Variants in ETFDH observed in about 807,000 individuals in gnomAD.
ETFDH encodes the protein electron transfer flavoprotein dehydrogenase, also known as electron transfer flavoprotein-ubiquinone oxidoreductase, mitochondrial.
ETFDH carries 61 observed loss-of-function variants against 73.2 expected under a neutral mutation model. The ratio of observed to expected loss-of-function variants is 0.83; its 90% CI spans 0.68 to 1.03. ETFDH has a LOEUF of 1.03. ETFDH is among the 50% of genes least tolerant of loss of function. The pLI, the probability that ETFDH is intolerant of heterozygous loss-of-function variation, is 0.00. For synonymous variants in ETFDH, 243 were observed against 253.3 expected (o/e 0.96, Z 0.39); for missense variants, 685 against 745.0 (o/e 0.92, Z 0.94).
chr4:158,702,514 C>T (rs558291341), intron 9 of ETFDH, among the ~76,000 whole-genome samples: 6 of 152,182 alleles, frequency 3.9e-5, no homozygotes, highest in Admixed American at 2.0e-4. Flanking sequence ...CTGTTCTACT[C>T]TCCACTTCCA....
chr4:158,685,018 G>A, intron 4 of ETFDH, 83 bp from the exon 5 acceptor site: 1 of 829,086 alleles, frequency 1.2e-6, no homozygotes, highest in South Asian at 1.5e-5. Context: ...AATACATATT[G>A]ATTCGAAATT....
Position 158,680,541 on chromosome 4 carries a change from T to A in ETFDH, c.109T>A (p.Ser37Thr), listed in dbSNP as rs1773826833. The A allele has an allele frequency of 1.2e-6, 2 of 1,605,576 alleles. No homozygotes were observed. ...PLCATRWSST[S>T]TVPRITTHYT... Reference sequence around the variant, plus strand: ...ATGTGCTACAAGATGGTCTTCAACTTCTACTGTGCCTCGAATTACTACCCA... The same window carrying A: ...ATGTGCTACAAGATGGTCTTCAACTACTACTGTGCCTCGAATTACTACCCA... Residue 37 changes from serine (S) to threonine (T), a missense_variant, in exon 2 of 13, where the codon TCT (serine) becomes ACT (threonine). Transcript: ENST00000511912.
At chr4:158,679,919 A>C (rs919609909) in intron 1 of ETFDH, 1 of 151,320 alleles carries the variant, frequency 6.6e-6, no homozygotes, top group Non-Finnish European at 1.5e-5. Context: ...TAAAAAAAAA[A>C]AACAAAAATC....
intron 10 of ETFDH, among the ~76,000 whole-genome samples, chr4:158,705,789 T>G (rs552887956): frequency 6.6e-6 from 1 of 152,308 alleles, no homozygotes; most frequent in South Asian, 2.1e-4. Flanking sequence ...TTACTTAAGA[T>G]TCACTCATCA....
intron 9 of ETFDH, among the ~76,000 whole-genome samples, chr4:158,701,207 G>C (rs1243983106): frequency 6.6e-6 from 1 of 152,222 alleles, no homozygotes; most frequent in Non-Finnish European, 1.5e-5. Flanking sequence ...TATTTTGGAA[G>C]AACTTGCACT....
intron 9 of ETFDH, among the ~76,000 whole-genome samples, chr4:158,702,686 A>C (rs778646478): frequency 6.6e-6 from 1 of 152,174 alleles, no homozygotes; most frequent in Non-Finnish European, 1.5e-5. Flanking sequence ...GTGTATATAT[A>C]TACCATGTTT....
chr4:158,705,573 A>C (rs893622356), intron 10 of ETFDH, among the ~76,000 whole-genome samples: 2 of 151,974 alleles, frequency 1.3e-5, no homozygotes, highest in African/African-American at 2.4e-5. Context: ...AAATTTCTTC[A>C]CTCTTACAGG....
At position 158,672,393 on chromosome 4, in the gene ETFDH, G is replaced by A; in HGVS notation, c.-64G>A. ...GCCCCCCGCGGCCTAGAGGTCCAGC[G>A]CCCGCCGCGAGCAGCGGACAGTCCT... On this transcript the variant is annotated 5_prime_UTR_variant, in exon 1 of 13. Transcript: ENST00000511912. The A allele has an allele frequency of 6.3e-7, 1 of 1,586,236 alleles. No homozygotes were observed. Among genetic ancestry groups the A allele is most frequent in the Non-Finnish European group, 8.7e-7 (1 of 1,155,104 alleles).
At chr4:158,688,095 T>TA (rs1278044897) in intron 5 of ETFDH, among the ~76,000 whole-genome samples, 1 of 145,710 alleles carries the variant, frequency 6.9e-6, no homozygotes, top group East Asian at 2.1e-4. Context: ...TCATAAATTA[T>TA]AAAAAAGAAT....
chr4:158,679,789 T>G (rs1773796771), intron 1 of ETFDH: 1 of 152,022 alleles, frequency 6.6e-6, no homozygotes, highest in Non-Finnish European at 1.5e-5. Flanking sequence ...GAAGATACTG[T>G]GGCCAGGTGC....
chr4:158,693,747 AC>A lies in ETFDH; in HGVS notation c.685-1748del, dbSNP rs1479166912. On this transcript the variant is annotated intron_variant, in intron 6 of 12. Transcript: ENST00000511912. ...TAAAAACCTGTGAAAAAACAGACAAACCTTTTTTAACTTAATATATAAAAGT... is the reference window on the plus strand; with the variant it reads ...TAAAAACCTGTGAAAAAACAGACAAACTTTTTTAACTTAATATATAAAAGT... 2.0e-5 allele frequency among the ~76,000 whole-genome samples: 3 copies of A among 152,224 alleles called. No individual in the cohort carries two copies. The East Asian group carries it at 5.8e-4, about 29-fold the overall frequency.
rs992935010 is a variant in ETFDH at position 158,708,122 on chromosome 4, G to A, written c.1691-242G>A. Reference sequence around the variant, plus strand: ...AGGTTGTGTGGAACTCAAACACTCAGTGTCGAGTACCCTTGATAGTGAGAC... The same window carrying A: ...AGGTTGTGTGGAACTCAAACACTCAATGTCGAGTACCCTTGATAGTGAGAC... On this transcript the variant is annotated intron_variant, in intron 12 of 12. Coordinates refer to ENST00000511912, the MANE Select transcript of ETFDH (RefSeq NM_004453.4). 3.9e-5 allele frequency among the ~76,000 whole-genome samples: 6 copies of A among 152,256 alleles called. No homozygotes were observed. The East Asian group carries it at 1.2e-3, about 29-fold the overall frequency.
At chr4:158,705,080 C>G (rs1283061231) in intron 10 of ETFDH, among the ~76,000 whole-genome samples, 1 of 151,992 alleles carries the variant, frequency 6.6e-6, no homozygotes, top group Non-Finnish European at 1.5e-5. Context: ...GGGAGTGGAG[C>G]CAGAACAGGA....
intron 9 of ETFDH, among the ~76,000 whole-genome samples, chr4:158,699,480 G>A (rs1774403446): frequency 6.6e-6 from 1 of 152,164 alleles, no homozygotes; most frequent in African/African-American, 2.4e-5. Context: ...TGAGACAGGA[G>A]AATCACTTGA....
At chr4:158,703,397 T>C in intron 9 of ETFDH, 26 bp from the exon 10 acceptor site, 3 of 1,540,822 alleles carry the variant, frequency 1.9e-6, no homozygotes, top group Non-Finnish European at 1.8e-6. Flanking sequence ...AACTAACAAA[T>C]GTATTCTGAA....
At chr4:158,689,755 C>T (rs992052588) in intron 5 of ETFDH, among the ~76,000 whole-genome samples, 3 of 151,054 alleles carry the variant, frequency 2.0e-5, no homozygotes, top group South Asian at 2.1e-4. Context: ...TACTATCCAG[C>T]GAGCATTTTC....
At chr4:158,682,773 G>A (rs1008839142) in intron 3 of ETFDH, among the ~76,000 whole-genome samples, 1 of 151,848 alleles carries the variant, frequency 6.6e-6, no homozygotes, top group African/African-American at 2.4e-5. Flanking sequence ...GACCTCAGGC[G>A]ATCCACCCAC....
chr4:158,675,861 G>C (rs1773699538), intron 1 of ETFDH, among the ~76,000 whole-genome samples: 1 of 152,024 alleles, frequency 6.6e-6, no homozygotes, highest in African/African-American at 2.4e-5. Context: ...ACTTAGGAAT[G>C]GGTCACATGA....
chr4:158,695,770 A>T, intron 7 of ETFDH, 127 bp downstream of exon 7: 1 of 717,280 alleles, frequency 1.4e-6, no homozygotes, highest in Non-Finnish European at 2.4e-6. Flanking sequence ...AATGTTCATT[A>T]TGACTAAAAC....
Sources: gnomAD v4.1 joint callset for allele counts (sites outside exome capture counted in the v4.1 genomes callset) on GRCh38, gnomAD v4.1.1 for gene constraint, MANE v1.5 for transcripts, NCBI Gene and HGNC (gene_info 2026-07-23, HGNC 2026-07-21) for gene names.